Variants in EEF1B2 observed in about 807,000 individuals in gnomAD.
The protein encoded by EEF1B2 is eukaryotic translation elongation factor 1 beta 2.
EEF1B2 carries 12 observed loss-of-function variants against 28.3 expected under a neutral mutation model. That is an observed-to-expected ratio of 0.42 (90% confidence interval 0.27 to 0.69). The LOEUF (loss-of-function observed/expected upper bound fraction) is 0.69. EEF1B2 is among the 30% of genes least tolerant of loss of function. The probability of loss-of-function intolerance (pLI) is 0.22; values close to 1 mark genes in which losing one functional copy is unlikely to be tolerated. For synonymous variants in EEF1B2, 83 were observed against 99.9 expected, an observed-to-expected ratio of 0.83 and a Z score of 1.01; for missense variants, 234 against 272.6, an observed-to-expected ratio of 0.86 and a Z score of 1.00.
Position 206,160,584 on chromosome 2 carries a change from G to T in EEF1B2, c.81-4G>T, listed in dbSNP as rs1453180498. The T allele has an allele frequency of 1.2e-6, 2 of 1,613,914 alleles. No homozygotes were observed. Among genetic ancestry groups the T allele is most frequent in the East Asian group, 2.2e-5 (1 of 44,848 alleles). On this transcript the variant is annotated splice_region_variant and splice_polypyrimidine_tract_variant and intron_variant, in intron 1 of 5. Coordinates refer to ENST00000392222, the MANE Select transcript of EEF1B2 (RefSeq NM_001959.4). ...GTGTGTGAATGTTTCTGTGTCCTTGGCAGGTATGTGCCATCACAAGCAGAT... is the reference window on the plus strand; with the variant it reads ...GTGTGTGAATGTTTCTGTGTCCTTGTCAGGTATGTGCCATCACAAGCAGAT...
chr2:206,161,824 A>G, intron 3 of EEF1B2: 1 of 735,816 alleles, frequency 1.4e-6, no homozygotes, highest in South Asian at 1.4e-5. Flanking sequence ...GGTTAAGCCA[A>G]ATTGCCTGGA....
intron 4 of EEF1B2, 103 bp from the exon 5 acceptor site, chr2:206,162,386 A>G: frequency 6.4e-7 from 1 of 1,570,302 alleles, no homozygotes; most frequent in Non-Finnish European, 8.8e-7. Flanking sequence ...TGTTTGGCTA[A>G]GGAGATAGTC....
intron 2 of EEF1B2, 135 bp from the exon 3 acceptor site, chr2:206,161,211 G>A: frequency 8.1e-7 from 1 of 1,232,024 alleles, no homozygotes; most frequent in Non-Finnish European, 1.1e-6. Context: ...TGTTTACCTG[G>A]GCGCATGTGA....
At position 206,162,790 on chromosome 2, in the gene EEF1B2, T is replaced by TTAA; in HGVS notation, c.585_586insTAA (p.Asp195_Asp196insTer). 1 of 1,611,048 alleles carries TTAA rather than the reference T, an allele frequency of 6.2e-7. No individual in the cohort carries two copies. Among genetic ancestry groups the TTAA allele is most frequent in the Non-Finnish European group, 8.5e-7 (1 of 1,179,976 alleles). On this transcript the variant is annotated stop_gained and inframe_insertion, in exon 6 of 6. Coordinates refer to ENST00000392222, the MANE Select transcript of EEF1B2 (RefSeq NM_001959.4). LOFTEE classifies it high-confidence loss of function. ...TTCAAATACAGTGTGTAGTTGAAGA[T>TTAA]GATAAAGTTGGAACAGATATGCTGG...
chr2:206,160,541 C>G, intron 1 of EEF1B2, 47 bp from the exon 2 acceptor site: 1 of 1,612,954 alleles, frequency 6.2e-7, no homozygotes, highest in Non-Finnish European at 8.5e-7. Flanking sequence ...TATTCGCTGG[C>G]GTTTGTTTTT....
chr2:206,162,127 C>T lies in EEF1B2; in HGVS notation c.397+23C>T, dbSNP rs776203792. 6 of 1,604,196 alleles carry T rather than the reference C, an allele frequency of 3.7e-6. No individual in the cohort carries two copies. In the South Asian group the frequency reaches 5.5e-5, roughly 15 times the overall value. ...AAAGTAGGTCATTTGTTTTTAACTT[C>T]ATTTCATGTTAATGTAAGTAATCTT... On this transcript the variant is annotated intron_variant, in intron 4 of 5. Coordinates refer to ENST00000392222, the MANE Select transcript of EEF1B2 (RefSeq NM_001959.4).
chr2:206,160,858 C>T, intron 2 of EEF1B2, 148 bp downstream of exon 2: 2 of 1,190,746 alleles, frequency 1.7e-6, no homozygotes, highest in South Asian at 2.6e-5. Flanking sequence ...GGCCAAGAGA[C>T]TGAAGCCCTC....
chr2:206,160,764 A>G, intron 2 of EEF1B2, 54 bp downstream of exon 2: 2 of 1,613,382 alleles, frequency 1.2e-6, no homozygotes, highest in South Asian at 2.2e-5. Flanking sequence ...GAAGTTTATC[A>G]GGATGTTCAC....
chr2:206,160,699 G>A lies in EEF1B2; in HGVS notation c.192G>A (p.Lys64=). The change falls in exon 2 of 6, where the codon AAG becomes AAA. Residue 64 remains lysine, a synonymous_variant. Transcript: ENST00000392222. ...ATAATCACATCAAGTCTTACGAAAA[G>A]GAAAAGGCCAGGTAAAATCATCTTT... ...RWYNHIKSYE[K]EKASLPGVKK... is the part of the protein sequence containing the mutation. The A allele has an allele frequency of 6.2e-7, 1 of 1,614,128 alleles. No individual in the cohort carries two copies. The highest frequency in any genetic ancestry group is 8.5e-7 in the Non-Finnish European group (1 of 1,180,024).
rs962590472 is a variant in EEF1B2 at position 206,162,799 on chromosome 2, T to G, written c.594T>G (p.Val198=). 5 of 1,609,752 alleles carry G rather than the reference T, an allele frequency of 3.1e-6. No individual in the cohort carries two copies. Among genetic ancestry groups the G allele is most frequent in the Admixed American group, 1.7e-5 (1 of 59,996 alleles). ...AGTGTGTAGTTGAAGATGATAAAGT[T>G]GGAACAGATATGCTGGAGGAGCAGA... ...QIQCVVEDDK[V]GTDMLEEQIT... is the part of the protein sequence containing the mutation. Residue 198 remains valine, a synonymous_variant, in exon 6 of 6, where the codon GTT becomes GTG. Coordinates refer to ENST00000392222, the MANE Select transcript of EEF1B2 (RefSeq NM_001959.4).
Position 206,162,021 on chromosome 2 carries a change from A to AT in EEF1B2, c.331-9dup, listed in dbSNP as rs1052319914. On this transcript the variant is annotated splice_polypyrimidine_tract_variant and intron_variant, in intron 3 of 5. Coordinates refer to ENST00000392222, the MANE Select transcript of EEF1B2 (RefSeq NM_001959.4). ...ACAACCAGCTTTCTGAAGTGGATTA[A>AT]TTTTTTTTCTTTACAGGAAAGTGAA... The AT allele has an allele frequency of 2.5e-6, 4 of 1,610,744 alleles. No individual in the cohort carries two copies. The highest frequency in any genetic ancestry group is 1.1e-5 in the South Asian group (1 of 90,986).
rs756347133 is a variant in EEF1B2, at chr2:206,160,572, T to A, written c.81-16T>A. 6.2e-7 allele frequency: 1 copy of A among 1,614,058 alleles called. No individual in the cohort carries two copies. Among genetic ancestry groups the A allele is most frequent in the East Asian group, 2.2e-5 (1 of 44,854 alleles). ...TTTTTCAAAGGTGTGTGTGAATGTT[T>A]CTGTGTCCTTGGCAGGTATGTGCCA... On this transcript the variant is annotated splice_polypyrimidine_tract_variant and intron_variant, in intron 1 of 5. Coordinates refer to ENST00000392222, the MANE Select transcript of EEF1B2 (RefSeq NM_001959.4).
At chr2:206,160,489 T>G in intron 1 of EEF1B2, 99 bp from the exon 2 acceptor site, 2 of 1,590,664 alleles carry the variant, frequency 1.3e-6, no homozygotes, top group Non-Finnish European at 1.7e-6. Flanking sequence ...CTGCTGGGGT[T>G]AGTGCCCACT....
chr2:206,162,705 G>C lies in EEF1B2; in HGVS notation c.524-24G>C, dbSNP rs767926956. On this transcript the variant is annotated intron_variant, in intron 5 of 5. Coordinates refer to ENST00000392222, the MANE Select transcript of EEF1B2 (RefSeq NM_001959.4). ...TTTCCTACAAGACTTTTCTAACTAGGATTTTTCTTAATGCTCTTTTTAGCT... is the reference window on the plus strand; with the variant it reads ...TTTCCTACAAGACTTTTCTAACTAGCATTTTTCTTAATGCTCTTTTTAGCT... The C allele has an allele frequency of 1.4e-5, 23 of 1,612,908 alleles. No homozygotes were observed. The South Asian group carries it at 2.4e-4, about 17-fold the overall frequency.
At chr2:206,162,334 T>C in intron 4 of EEF1B2, 155 bp from the exon 5 acceptor site, 1 of 1,280,854 alleles carries the variant, frequency 7.8e-7, no homozygotes, top group Non-Finnish European at 1.1e-6. Context: ...AAACAGAAAG[T>C]GGGTATATAT....
At chr2:206,160,532 A>G in intron 1 of EEF1B2, 56 bp from the exon 2 acceptor site, 1 of 1,612,590 alleles carries the variant, frequency 6.2e-7, no homozygotes, top group Non-Finnish European at 8.5e-7. Flanking sequence ...TTTATTATTT[A>G]TTCGCTGGCG....
At position 206,160,701 on chromosome 2, in the gene EEF1B2, A is replaced by C; in HGVS notation, c.194A>C (p.Glu65Ala). ...AATCACATCAAGTCTTACGAAAAGG[A>C]AAAGGCCAGGTAAAATCATCTTTGT... ...WYNHIKSYEKEKASLPGVKKA... is the reference protein window; with the variant it reads ...WYNHIKSYEKAKASLPGVKKA... The change falls in exon 2 of 6, where the codon GAA (glutamate) becomes GCA (alanine). Residue 65 changes from glutamate (E) to alanine (A), a missense_variant. Transcript: ENST00000392222. 1 of 1,614,146 alleles carries C rather than the reference A, an allele frequency of 6.2e-7. No individual in the cohort carries two copies. Among genetic ancestry groups the C allele is most frequent in the Non-Finnish European group, 8.5e-7 (1 of 1,180,016 alleles).
chr2:206,160,047 G>A lies in EEF1B2; in HGVS notation c.68G>A (p.Ser23Asn). The A allele has an allele frequency of 6.2e-7, 1 of 1,613,056 alleles. No individual in the cohort carries two copies. The highest frequency in any genetic ancestry group is 8.5e-7 in the Non-Finnish European group (1 of 1,179,602). Residue 23 changes from serine to asparagine, a missense_variant, in exon 1 of 6, where the codon AGC becomes AAC. Coordinates refer to ENST00000392222, the MANE Select transcript of EEF1B2 (RefSeq NM_001959.4). ...CTCAACGATTACCTGGCGGACAAGA[G>A]CTACATCGAGGGGTGAGCGGACGGG... ...QVLNDYLADK[S>N]YIEGYVPSQA...
intron 2 of EEF1B2, chr2:206,160,998 G>C: frequency 1.5e-6 from 1 of 652,344 alleles, no homozygotes; most frequent in Non-Finnish European, 2.8e-6. Flanking sequence ...CATTCATTCA[G>C]TCCTTGGCCA....
Sources: allele counts gnomAD v4.1 joint callset, GRCh38; gene constraint gnomAD v4.1.1; transcripts MANE v1.5; gene names NCBI Gene and HGNC (gene_info 2026-07-23, HGNC 2026-07-21).